Variants in SMOC2 observed in about 807,000 individuals in gnomAD.
SMOC2 encodes SPARC-related modular calcium-binding protein 2.
Under a neutral mutation model 61.4 loss-of-function variants are expected in SMOC2, and 39 were observed. The observed-to-expected ratio is 0.64, with a 90% CI of 0.49 to 0.83. SMOC2 has a LOEUF of 0.83. SMOC2 is among the 40% of genes least tolerant of loss of function. The probability of loss-of-function intolerance (pLI) is 0.00; values close to 1 mark genes in which losing one functional copy is unlikely to be tolerated. For missense variants in SMOC2, 556 were observed against 592.9 expected (o/e 0.94, Z 0.65); for synonymous variants, 247 against 239.9 (o/e 1.03, Z -0.27).
At chr6:168,528,780 A>G (rs954531004) in intron 4 of SMOC2, among the ~76,000 whole-genome samples, 3 of 152,228 alleles carry the variant, frequency 2.0e-5, no homozygotes, top group African/African-American at 7.2e-5. Flanking sequence ...CAGAGCCTAA[A>G]TAGTGCTGGA....
intron 10 of SMOC2, 89 bp from the exon 11 acceptor site, chr6:168,652,865 C>G: frequency 8.0e-7 from 1 of 1,243,998 alleles, no homozygotes; most frequent in Non-Finnish European, 1.1e-6. Flanking sequence ...GAACTACAAG[C>G]AGGGGTTATG....
intron 1 of SMOC2, among the ~76,000 whole-genome samples, chr6:168,469,453 T>A (rs1396866052): frequency 1.3e-5 from 2 of 152,226 alleles, no homozygotes; most frequent in African/African-American, 4.8e-5. Flanking sequence ...TATATAAACA[T>A]GCAGACTTGG....
At chr6:168,472,767 A>AT (rs1384269720) in intron 1 of SMOC2, among the ~76,000 whole-genome samples, 1 of 152,102 alleles carries the variant, frequency 6.6e-6, no homozygotes, top group Non-Finnish European at 1.5e-5. Flanking sequence ...AGAAAGTTAG[A>AT]TTTTTTAGAA....
In SMOC2 at chr6:168,639,644, A is replaced by G. The variant is rs572257928; in HGVS notation, c.908-11037A>G. Among the ~76,000 whole-genome samples, 5 of 152,342 alleles carry G rather than the reference A, an allele frequency of 3.3e-5. No individual in the cohort carries two copies. The East Asian group carries it at 9.6e-4, about 29-fold the overall frequency. Reference sequence around the variant, plus strand: ...GCTTAAGTCAATCTTTTCATTGAAAATGAGGAACTGTTCTTAAATGAAGAC... The same window carrying G: ...GCTTAAGTCAATCTTTTCATTGAAAGTGAGGAACTGTTCTTAAATGAAGAC... On this transcript the variant is annotated intron_variant, in intron 9 of 12. Transcript: ENST00000356284.
At chr6:168,608,299 A>G in intron 9 of SMOC2, 60 bp downstream of exon 9, 1 of 1,543,486 alleles carries the variant, frequency 6.5e-7, no homozygotes, top group Non-Finnish European at 8.8e-7. Flanking sequence ...GTTTCTTGCA[A>G]ATTTGGAATG....
At chr6:168,523,131 G>A (rs1783371125) in intron 2 of SMOC2, among the ~76,000 whole-genome samples, 1 of 114,142 alleles carries the variant, frequency 8.8e-6, no homozygotes, top group Non-Finnish European at 1.9e-5. Flanking sequence ...GCCCAGGCCG[G>A]ACTGCGGACT....
intron 11 of SMOC2, among the ~76,000 whole-genome samples, chr6:168,663,153 A>G (rs1787565070): frequency 6.6e-6 from 1 of 152,132 alleles, no homozygotes; most frequent in Admixed American, 6.5e-5. Flanking sequence ...TGAGTGGGTG[A>G]AGATAGGAAA....
chr6:168,539,145 T>C (rs1783819453), intron 4 of SMOC2, among the ~76,000 whole-genome samples: 1 of 152,302 alleles, frequency 6.6e-6, no homozygotes, highest in Non-Finnish European at 1.5e-5. Context: ...TCATGCTGAC[T>C]GAAGCATGAG....
intron 2 of SMOC2, among the ~76,000 whole-genome samples, chr6:168,524,118 C>T (rs1562569650): frequency 6.6e-6 from 1 of 152,030 alleles, no homozygotes; most frequent in African/African-American, 2.4e-5. Context: ...AGTGCTCATT[C>T]TCTGGCAATT....
intron 9 of SMOC2, among the ~76,000 whole-genome samples, chr6:168,630,375 C>G (rs774746511): frequency 2.6e-5 from 4 of 152,204 alleles, no homozygotes; most frequent in Non-Finnish European, 5.9e-5. Flanking sequence ...CCTGCAATCT[C>G]TAAACATAAG....
rs76029107 is a variant in SMOC2, at chr6:168,641,535, A to G, written c.908-9146A>G. Among the ~76,000 whole-genome samples the G allele has an allele frequency of 8.2e-3, 1,257 of 152,368 alleles. 7 individuals carry two copies. The highest frequency in any genetic ancestry group is 0.013 in the Non-Finnish European group (906 of 68,034). ...TTTAGAAACACACACGTTGGTCTTT[A>G]AGATACATATTCAGAGTTAACTTAT... is the stretch of plus-strand genomic sequence containing the variant. On this transcript the variant is annotated intron_variant, in intron 9 of 12. Transcript: ENST00000356284.
At chr6:168,644,208 C>T (rs1047222282) in intron 9 of SMOC2, among the ~76,000 whole-genome samples, 2 of 152,168 alleles carry the variant, frequency 1.3e-5, no homozygotes, top group African/African-American at 4.8e-5. Flanking sequence ...TGAGAGCACA[C>T]GTGTTTATGG....
At chr6:168,530,341 A>G (rs1783559219) in intron 4 of SMOC2, among the ~76,000 whole-genome samples, 2 of 152,154 alleles carry the variant, frequency 1.3e-5, no homozygotes, top group South Asian at 4.1e-4. Flanking sequence ...GGATTCCTTT[A>G]TTTCATAATC....
intron 8 of SMOC2, among the ~76,000 whole-genome samples, chr6:168,599,978 C>G (rs1785496037): frequency 6.6e-6 from 1 of 151,732 alleles, no homozygotes; most frequent in Non-Finnish European, 1.5e-5. Flanking sequence ...ATACTCTCCC[C>G]ACACACACAC....
rs1562381193 is a variant in SMOC2 at position 168,612,216 on chromosome 6, CGGGG to C, written c.907+3978_907+3981del. Among the ~76,000 whole-genome samples the C allele has an allele frequency of 4.5e-4, 67 of 148,248 alleles. 19 individuals carry two copies. The highest frequency in any genetic ancestry group is 5.2e-4 in the Non-Finnish European group (35 of 66,922). Reference sequence around the variant, plus strand: ...GCAGTGCTGGGTTCGTGATCTCCATCGGGGAGAGGGTGACTGCAGCCTTTACTCA... The same window carrying C: ...GCAGTGCTGGGTTCGTGATCTCCATCAGAGGGTGACTGCAGCCTTTACTCA... On this transcript the variant is annotated intron_variant, in intron 9 of 12. Coordinates refer to ENST00000356284, the MANE Select transcript of SMOC2 (RefSeq NM_001166412.2).
intron 4 of SMOC2, among the ~76,000 whole-genome samples, chr6:168,536,974 C>T (rs1217473235): frequency 1.3e-5 from 2 of 151,972 alleles, no homozygotes; most frequent in Admixed American, 1.3e-4. Flanking sequence ...GGTCGGGGCT[C>T]CTGCCAGTGT....
intron 1 of SMOC2, among the ~76,000 whole-genome samples, chr6:168,445,614 T>G (rs949450715): frequency 3.3e-5 from 5 of 152,208 alleles, no homozygotes; most frequent in African/African-American, 7.2e-5. Flanking sequence ...TTCAAGGGAA[T>G]TACTGTGATT....
At position 168,450,385 on chromosome 6, in the gene SMOC2, T is replaced by C. The variant is rs538659087; in HGVS notation, c.84+8931T>C. Reference sequence around the variant, plus strand: ...TGAAGGCTGAGAGTTGTGTAATCTTTAAACATTTATCTCTTAATGAATCAA... The same window carrying C: ...TGAAGGCTGAGAGTTGTGTAATCTTCAAACATTTATCTCTTAATGAATCAA... On this transcript the variant is annotated intron_variant, in intron 1 of 12. Transcript: ENST00000356284. Among the ~76,000 whole-genome samples the C allele has an allele frequency of 2.6e-5, 4 of 152,348 alleles. No homozygotes were observed. The South Asian group carries it at 8.3e-4, about 32-fold the overall frequency.
At chr6:168,446,631 T>C (rs1290385824) in intron 1 of SMOC2, among the ~76,000 whole-genome samples, 1 of 152,198 alleles carries the variant, frequency 6.6e-6, no homozygotes, top group Non-Finnish European at 1.5e-5. Context: ...ATAATATGAA[T>C]TAATATTTTT....
Sources: gnomAD v4.1 joint callset for allele counts (sites outside exome capture counted in the v4.1 genomes callset) on GRCh38, gnomAD v4.1.1 for gene constraint, MANE v1.5 for transcripts, NCBI Gene and HGNC (gene_info 2026-07-23, HGNC 2026-07-21) for gene names.